Variants in JAKMIP2 observed in about 807,000 individuals in gnomAD.
JAKMIP2 encodes janus kinase and microtubule interacting protein 2.
A neutral mutation model predicts 115.0 loss-of-function variants in JAKMIP2; 25 were observed. The ratio of observed to expected loss-of-function variants is 0.22; its 90% CI spans 0.16 to 0.30. JAKMIP2 has a LOEUF of 0.30. Ranked by LOEUF, JAKMIP2 falls within the 10% of genes least tolerant of loss-of-function variation. The pLI is 1.00. For missense variants in JAKMIP2, 642 were observed against 957.6 expected (o/e 0.67, Z 4.35); for synonymous variants, 334 against 343.6 (o/e 0.97, Z 0.31).
At chr5:147,730,785 T>C (rs914835949) in intron 1 of JAKMIP2, among the ~76,000 whole-genome samples, 3 of 152,122 alleles carry the variant, frequency 2.0e-5, no homozygotes, top group African/African-American at 7.2e-5. Context: ...AGAATCCTAT[T>C]AGTTCAGTTT....
intron 4 of JAKMIP2, 46 bp from the exon 5 acceptor site, chr5:147,648,520 A>G (rs1758242494): frequency 9.1e-7 from 1 of 1,098,954 alleles, no homozygotes; most frequent in African/African-American, 1.5e-5. Flanking sequence ...AACACTTTTC[A>G]CAAAGTTTGG....
At chr5:147,720,344 G>A (rs1448015983) in intron 1 of JAKMIP2, among the ~76,000 whole-genome samples, 1 of 150,164 alleles carries the variant, frequency 6.7e-6, no homozygotes, top group East Asian at 2.0e-4. Flanking sequence ...TGCTCTTCTC[G>A]AGGAGTATCT....
rs1757651678 is a variant in JAKMIP2 at position 147,637,136 on chromosome 5, A to G, written c.1531-88T>C. On this transcript the variant is annotated intron_variant, in intron 10 of 21. Transcript: ENST00000616793. Reference sequence around the variant, plus strand: ...AGAACTCAACAAGTAAGAGAGAGAGAGAGGAAAAAAAGAAGAATTTTCTAT... The same window carrying G: ...AGAACTCAACAAGTAAGAGAGAGAGGGAGGAAAAAAAGAAGAATTTTCTAT... 3 of 770,216 alleles carry G rather than the reference A, an allele frequency of 3.9e-6. No homozygotes were observed. The Admixed American group carries it at 6.7e-5, about 17-fold the overall frequency. 47.7% of individuals were successfully genotyped at this position (770,216 alleles called of 1,614,324 possible). A position where few individuals can be genotyped will look rare whatever the true frequency, so the allele number is the denominator to read the frequency against.
intron 10 of JAKMIP2, among the ~76,000 whole-genome samples, chr5:147,638,933 T>C (rs997826456): frequency 6.6e-6 from 1 of 152,220 alleles, no homozygotes; most frequent in Non-Finnish European, 1.5e-5. Flanking sequence ...ATAATGTGTG[T>C]AAAATGTTCA....
chr5:147,607,415 G>T (rs933213689), intron 20 of JAKMIP2, among the ~76,000 whole-genome samples: 1 of 152,170 alleles, frequency 6.6e-6, no homozygotes. Context: ...GGCCTTTTCT[G>T]CATCTATTGA....
intron 2 of JAKMIP2, among the ~76,000 whole-genome samples, chr5:147,666,050 A>T (rs577943623): frequency 1.2e-4 from 18 of 152,330 alleles, no homozygotes; most frequent in African/African-American, 4.1e-4. Flanking sequence ...ACTAGAGAAA[A>T]TTCAAAGGAA....
intron 1 of JAKMIP2, among the ~76,000 whole-genome samples, chr5:147,731,283 C>T (rs1012134105): frequency 1.3e-5 from 2 of 152,044 alleles, no homozygotes; most frequent in African/African-American, 4.8e-5. Flanking sequence ...TGGGGGGTTG[C>T]GAGGTAATTT....
At chr5:147,667,142 C>G (rs1001995982) in intron 2 of JAKMIP2, among the ~76,000 whole-genome samples, 4 of 152,000 alleles carry the variant, frequency 2.6e-5, no homozygotes, top group Non-Finnish European at 5.9e-5. Context: ...GTGGAAGACA[C>G]TTGGGGTGCG....
At chr5:147,739,323 A>G (rs1417530643) in intron 1 of JAKMIP2, among the ~76,000 whole-genome samples, 1 of 152,162 alleles carries the variant, frequency 6.6e-6, no homozygotes, top group Non-Finnish European at 1.5e-5. Context: ...GGGTCAAAGA[A>G]TATGTGAGAT....
At chr5:147,614,647 A>G (rs773125471) in intron 19 of JAKMIP2, among the ~76,000 whole-genome samples, 3 of 152,258 alleles carry the variant, frequency 2.0e-5, no homozygotes, top group African/African-American at 4.8e-5. Flanking sequence ...AATGATCTCC[A>G]TGGTCCCCTG....
rs1014712841 is a variant in JAKMIP2 at position 147,588,892 on chromosome 5, G to T, written c.*2815C>A. The T allele has an allele frequency of 1.3e-5, 2 of 151,962 alleles. No homozygotes were observed. Among genetic ancestry groups the T allele is most frequent in the South Asian group, 4.2e-4 (2 of 4,804 alleles). The allele number at this position is 151,962 out of a possible 1,614,324, so 9.4% of individuals were successfully genotyped here. On this transcript the variant is annotated 3_prime_UTR_variant, in exon 22 of 22. Coordinates refer to ENST00000616793, the MANE Select transcript of JAKMIP2 (RefSeq NM_001270941.2). The stretch of plus-strand genomic sequence containing the variant: ...ATTTTGACTTACAAATTTCTTGGTG[G>T]GTGGGAAAGCAAAATTAAGAGAAGG...
At chr5:147,652,368 T>C (rs761624641) in intron 3 of JAKMIP2, among the ~76,000 whole-genome samples, 2 of 152,204 alleles carry the variant, frequency 1.3e-5, no homozygotes, top group East Asian at 1.9e-4. Context: ...GTGGGATATA[T>C]AGTAATTAGC....
At chr5:147,696,521 A>G (rs1752114692) in intron 1 of JAKMIP2, among the ~76,000 whole-genome samples, 1 of 152,186 alleles carries the variant, frequency 6.6e-6, no homozygotes, top group African/African-American at 2.4e-5. Context: ...TTTCCTTTAT[A>G]AATTACCCAG....
At chr5:147,605,709 T>A (rs1755974337) in intron 20 of JAKMIP2, among the ~76,000 whole-genome samples, 1 of 152,214 alleles carries the variant, frequency 6.6e-6, no homozygotes, top group Admixed American at 6.5e-5. Context: ...AGTAATGAGA[T>A]TGCTGGGTCA....
intron 21 of JAKMIP2, among the ~76,000 whole-genome samples, chr5:147,593,876 A>G (rs1163702623): frequency 6.6e-6 from 1 of 152,218 alleles, no homozygotes; most frequent in Non-Finnish European, 1.5e-5. Context: ...AAAATTCTTC[A>G]GGGATGTATT....
chr5:147,691,308 C>T (rs72835145), intron 1 of JAKMIP2, among the ~76,000 whole-genome samples: 1 of 152,076 alleles, frequency 6.6e-6, no homozygotes, highest in Non-Finnish European at 1.5e-5. Context: ...CTCACCTCCT[C>T]CACGGTACAC....
chr5:147,728,190 A>T (rs1753593553), intron 1 of JAKMIP2, among the ~76,000 whole-genome samples: 1 of 152,120 alleles, frequency 6.6e-6, no homozygotes, highest in Admixed American at 6.5e-5. Flanking sequence ...TCATGAGAGG[A>T]TACTTGGCTC....
intron 18 of JAKMIP2, among the ~76,000 whole-genome samples, chr5:147,618,776 C>T (rs1190704458): frequency 6.6e-6 from 1 of 152,018 alleles, no homozygotes; most frequent in African/African-American, 2.4e-5. Context: ...CAAAAAACAA[C>T]AAGACAGCTC....
At chr5:147,729,863 A>G (rs1753663207) in intron 1 of JAKMIP2, among the ~76,000 whole-genome samples, 1 of 152,174 alleles carries the variant, frequency 6.6e-6, no homozygotes, top group South Asian at 2.1e-4. Context: ...GAGTCAAAGA[A>G]GATGCAGCTG....
Sources: gnomAD v4.1 joint callset for allele counts (sites outside exome capture counted in the v4.1 genomes callset) on GRCh38, gnomAD v4.1.1 for gene constraint, MANE v1.5 for transcripts, NCBI Gene and HGNC (gene_info 2026-07-23, HGNC 2026-07-21) for gene names.